Variants in SOD2 observed in about 807,000 individuals in gnomAD.
The protein encoded by SOD2 is superoxide dismutase 2.
In SOD2, 11 loss-of-function variants were observed where a neutral mutation model predicts 27.0. That is an observed-to-expected ratio of 0.41 (90% CI 0.26 to 0.67). The LOEUF is 0.67. Among genes scored for constraint, SOD2 ranks in the 30% least tolerant of loss-of-function variants. The probability of loss-of-function intolerance (pLI) is 0.34; values close to 1 mark genes in which losing one functional copy is unlikely to be tolerated. For synonymous variants in SOD2, 105 were observed against 103.0 expected, an observed-to-expected ratio of 1.02 and a Z score of -0.12; for missense variants, 250 against 274.5, an observed-to-expected ratio of 0.91 and a Z score of 0.63.
upstream of SOD2, chr6:159,727,450 G>A (rs1302421159): frequency 2.8e-6 from 3 of 1,062,650 alleles, no homozygotes; most frequent in East Asian, 1.0e-4. Context: ...GTGGGGCGGG[G>A]CAGGGCGGAG....
At position 159,676,615 on chromosome 6, in the gene SOD2, G is replaced by T. The variant is rs926773198; in HGVS notation, c.*5878C>A. On this transcript the variant is annotated 3_prime_UTR_variant, in exon 5 of 5. Coordinates refer to ENST00000538183, the MANE Select transcript of SOD2 (RefSeq NM_000636.4). ...CCTGTCGAGGGGTGGGGAGAAGGGG[G>T]AGGGATAGCATTAGGAGATATACCT... 6.6e-6 allele frequency: 1 copy of T among 152,106 alleles called. No individual in the cohort carries two copies. Among genetic ancestry groups the T allele is most frequent in the African/African-American group, 2.4e-5 (1 of 41,400 alleles). The allele number at this position is 152,106 out of a possible 1,614,324, so 9.4% of individuals were successfully genotyped here. A position where few individuals can be genotyped will look rare whatever the true frequency, so the allele number is the denominator to read the frequency against.
chr6:159,707,537 G>A (rs372223754), intron 1 of SOD2, among the ~76,000 whole-genome samples: 2 of 152,230 alleles, frequency 1.3e-5, no homozygotes, highest in African/African-American at 4.8e-5. Context: ...TAAGTTCCAG[G>A]ACACATACAC....
upstream of SOD2, chr6:159,749,457 TATG>T (rs1779744481): frequency 4.1e-6 from 4 of 980,662 alleles, no homozygotes; most frequent in African/African-American, 1.8e-5. Context: ...CAAAGAATAT[TATG>T]ATGATTTTGT....
At chr6:159,710,155 C>A (rs1335497195) in intron 1 of SOD2, among the ~76,000 whole-genome samples, 1 of 151,290 alleles carries the variant, frequency 6.6e-6, no homozygotes, top group African/African-American at 2.4e-5. Context: ...AGGAGATATA[C>A]CTAATGTAAA....
chr6:159,737,601 C>T (rs1220952703), intron 1 of SOD2, among the ~76,000 whole-genome samples: 2 of 152,196 alleles, frequency 1.3e-5, no homozygotes, highest in African/African-American at 4.8e-5. Context: ...ATGCGATCCT[C>T]CCACCTTTGC....
chr6:159,683,730 G>C (rs973418514), intron 4 of SOD2, among the ~76,000 whole-genome samples: 11 of 152,180 alleles, frequency 7.2e-5, no homozygotes, highest in African/African-American at 2.7e-4. Context: ...CAGCCTTTCT[G>C]GTCATGCAGC....
chr6:159,717,903 G>A (rs1293910198), intron 1 of SOD2, among the ~76,000 whole-genome samples: 1 of 52,300 alleles, frequency 1.9e-5, no homozygotes, highest in Non-Finnish European at 5.7e-5. Flanking sequence ...GGATATGTGT[G>A]TGTGTGTGTG....
chr6:159,745,867 T>A (rs542720355), upstream of SOD2, among the ~76,000 whole-genome samples: 1 of 152,102 alleles, frequency 6.6e-6, no homozygotes, highest in Admixed American at 6.6e-5. Flanking sequence ...AATAGGTGTT[T>A]TGGAGGCACA....
At position 159,680,761 on chromosome 6, in the gene SOD2, C is replaced by T. The variant is rs1779915262; in HGVS notation, c.*1732G>A. On this transcript the variant is annotated 3_prime_UTR_variant, in exon 5 of 5. Coordinates refer to ENST00000538183, the MANE Select transcript of SOD2 (RefSeq NM_000636.4). The stretch of plus-strand genomic sequence containing the variant: ...GACCACCCTGGCCAACATGGTGAAA[C>T]CCTGTCTCTGCTAAAAATACAAAAA... 1 of 151,840 alleles carries T rather than the reference C, an allele frequency of 6.6e-6. No homozygotes were observed. The highest frequency in any genetic ancestry group is 2.1e-4 in the South Asian group (1 of 4,812). 9.4% of individuals were successfully genotyped at this position (151,840 alleles called of 1,614,324 possible). A position where few individuals can be genotyped will look rare whatever the true frequency, so the allele number is the denominator to read the frequency against.
upstream of SOD2, chr6:159,693,439 G>C: frequency 6.2e-6 from 1 of 160,566 alleles, no homozygotes. Context: ...CCCAGGGCAC[G>C]GGAGAAAGGA....
chr6:159,732,886 A>ATAGTGTGTGTGTGTGTGTGTGT (rs146623701), intron 1 of SOD2, among the ~76,000 whole-genome samples: 9 of 146,380 alleles, frequency 6.1e-5, no homozygotes, highest in African/African-American at 2.4e-4. Context: ...ATATATATAT[A>ATAGTGTGTGTGTGTGTGTGTGT]GTGTGTGTGT....
chr6:159,743,872 A>G (rs1779406383), intron 1 of SOD2: 4 of 1,390,938 alleles, frequency 2.9e-6, no homozygotes, highest in Admixed American at 2.6e-5. Context: ...AATTTTAAAC[A>G]TTTAATGCTA....
At chr6:159,727,384 C>CGGGAGGCGGGTGGG, upstream of SOD2, 1 of 517,780 alleles carries the variant, frequency 1.9e-6, no homozygotes, top group Non-Finnish European at 2.7e-6. Flanking sequence ...TGGCGGGAGG[C>CGGGAGGCGGGTGGG]GGGAGGCGGG....
At position 159,736,225 on chromosome 6, in the gene SOD2, A is replaced by G. The variant is rs775833826; in HGVS notation, c.-116+8905T>C. On this transcript the variant is annotated intron_variant, in intron 1 of 3. Coordinates refer to the SOD2 transcript ENST00000537657. The stretch of plus-strand genomic sequence containing the variant: ...TCCTACTTTCACTGGAAGAAAATAA[A>G]TTGAACTTGTTTTCCGCAACTTTTT... The G allele has an allele frequency of 3.2e-6, 5 of 1,577,562 alleles. No homozygotes were observed. In the African/African-American group the frequency reaches 6.8e-5, roughly 21 times the overall value.
intron 2 of SOD2, chr6:159,692,348 C>A (rs939898741): frequency 8.5e-7 from 1 of 1,180,706 alleles, no homozygotes; most frequent in African/African-American, 1.6e-5. Flanking sequence ...GTAGAGCTTT[C>A]TTTTCAGGCC....
At chr6:159,747,940 T>G (rs1779673310), upstream of SOD2, among the ~76,000 whole-genome samples, 1 of 152,212 alleles carries the variant, frequency 6.6e-6, no homozygotes, top group Non-Finnish European at 1.5e-5. Context: ...ATTCAAGGAC[T>G]ACTACATAGT....
upstream of SOD2, among the ~76,000 whole-genome samples, chr6:159,747,920 T>C (rs1779671992): frequency 1.3e-5 from 2 of 152,178 alleles, no homozygotes; most frequent in Non-Finnish European, 2.9e-5. Context: ...GACAAATAAG[T>C]TTTTTACATA....
chr6:159,748,858 C>A, upstream of SOD2: 7 of 1,211,872 alleles, frequency 5.8e-6, no homozygotes, highest in Non-Finnish European at 7.2e-6. The surrounding 1 kb of genome is among the most constrained non-coding windows in gnomAD (Gnocchi z 5.6). Context: ...GACTTAGAGA[C>A]ACTGTGTATC....
intron 1 of SOD2, among the ~76,000 whole-genome samples, chr6:159,707,883 A>G (rs1402953373): frequency 6.6e-6 from 1 of 152,210 alleles, no homozygotes; most frequent in African/African-American, 2.4e-5. Flanking sequence ...AATCCTGGCA[A>G]ACTGAATCCA....
Sources: gnomAD v4.1 joint callset for allele counts (sites outside exome capture counted in the v4.1 genomes callset) on GRCh38, gnomAD v4.1.1 for gene constraint, Gnocchi (gnomAD v3.1) non-coding constraint, MANE v1.5 for transcripts, NCBI Gene and HGNC (gene_info 2026-07-23, HGNC 2026-07-21) for gene names.